Variants in CADPS observed in about 807,000 individuals in gnomAD.
CADPS encodes the protein calcium-dependent secretion activator 1.
A neutral mutation model predicts 167.3 loss-of-function variants in CADPS; 57 were observed. That is an observed-to-expected ratio of 0.34 (90% CI 0.28 to 0.42). CADPS has a LOEUF of 0.42. Among genes scored for constraint, CADPS ranks in the 20% least tolerant of loss-of-function variants. CADPS has a pLI of 1.00. For synonymous variants in CADPS, 676 were observed against 635.3 expected, an observed-to-expected ratio of 1.06 and a Z score of -0.96; for missense variants, 1,414 against 1,738.1, an observed-to-expected ratio of 0.81 and a Z score of 3.32.
chr3:62,539,525 TAA>T (rs200925277), intron 11 of CADPS, among the ~76,000 whole-genome samples: 2,102 of 145,052 alleles, frequency 0.014, 48 homozygotes, highest in African/African-American at 0.048. Flanking sequence ...TATTATGTTA[TAA>T]AAAAAAAAAG....
intron 24 of CADPS, 154 bp downstream of exon 24, chr3:62,474,019 G>A: frequency 1.8e-6 from 1 of 542,010 alleles, no homozygotes; most frequent in Non-Finnish European, 3.2e-6. Context: ...TTGACAAACA[G>A]ATACTGAACA....
chr3:62,686,636 A>G (rs2078095250), intron 3 of CADPS, among the ~76,000 whole-genome samples: 1 of 152,046 alleles, frequency 6.6e-6, no homozygotes, highest in Non-Finnish European at 1.5e-5. Context: ...GCATGTACTT[A>G]AGGGTGTGTC....
intron 17 of CADPS, among the ~76,000 whole-genome samples, chr3:62,509,786 T>C (rs1236803212): frequency 6.6e-6 from 1 of 152,148 alleles, no homozygotes; most frequent in East Asian, 1.9e-4. Context: ...AAGTGGTAGG[T>C]ATTATACTTG....
At chr3:62,567,800 C>A (rs1349357371) in intron 9 of CADPS, among the ~76,000 whole-genome samples, 3 of 151,960 alleles carry the variant, frequency 2.0e-5, no homozygotes, top group Admixed American at 1.3e-4. Context: ...CTCTCAAACT[C>A]CTGAACCCAT....
chr3:62,815,583 A>G (rs2094575176), intron 1 of CADPS, among the ~76,000 whole-genome samples: 1 of 152,138 alleles, frequency 6.6e-6, no homozygotes, highest in South Asian at 2.1e-4. Flanking sequence ...CTTCCATAAA[A>G]ATAATCAGAC....
intron 3 of CADPS, among the ~76,000 whole-genome samples, chr3:62,728,846 T>C (rs1033355424): frequency 2.0e-5 from 3 of 151,848 alleles, no homozygotes; most frequent in Non-Finnish European, 4.4e-5. Context: ...CAAGTGTGTT[T>C]AAAACCTTAA....
intron 19 of CADPS, 27 bp from the exon 20 acceptor site, chr3:62,492,473 G>C (rs528640758): frequency 3.1e-6 from 5 of 1,606,212 alleles, no homozygotes; most frequent in African/African-American, 1.3e-5. Flanking sequence ...AAAAACAATA[G>C]ACAAAGAAGT....
chr3:62,735,811 G>C (rs1316195549), intron 3 of CADPS, among the ~76,000 whole-genome samples: 1 of 152,158 alleles, frequency 6.6e-6, no homozygotes, highest in Non-Finnish European at 1.5e-5. Flanking sequence ...TTGGTGGTGA[G>C]ACAGCTTTGG....
chr3:62,597,028 C>T (rs571090767), intron 6 of CADPS, among the ~76,000 whole-genome samples: 43 of 152,206 alleles, frequency 2.8e-4, no homozygotes, highest in African/African-American at 9.9e-4. Context: ...AAAATGTGAC[C>T]ATTAATTTAC....
At chr3:62,784,776 G>C (rs1255216976) in intron 1 of CADPS, among the ~76,000 whole-genome samples, 1 of 151,164 alleles carries the variant, frequency 6.6e-6, no homozygotes, top group African/African-American at 2.4e-5. Flanking sequence ...AAAAAAAATA[G>C]GGAGAGAGAA....
chr3:62,613,235 G>C lies in CADPS; in HGVS notation c.1326-20487C>G, dbSNP rs149025955. Among the ~76,000 whole-genome samples the C allele has an allele frequency of 9.9e-3, 1,506 of 152,258 alleles. 23 individuals carry two copies. Among genetic ancestry groups the C allele is most frequent in the African/African-American group, 0.033 (1,391 of 41,556 alleles). On this transcript the variant is annotated intron_variant, in intron 6 of 29. Transcript: ENST00000383710. ...AAGGAAGCGATCTACTTAAACCCCT[G>C]TTCTTCACTTTGTCTCTGGAGCCCA...
chr3:62,435,881 T>C (rs905049485), intron 28 of CADPS, among the ~76,000 whole-genome samples: 3 of 152,136 alleles, frequency 2.0e-5, no homozygotes, highest in African/African-American at 4.8e-5. Context: ...GAGTTACTTG[T>C]GAATTTTTGA....
intron 8 of CADPS, 83 bp from the exon 9 acceptor site, chr3:62,571,021 C>A: frequency 1.1e-6 from 1 of 948,622 alleles, no homozygotes; most frequent in Non-Finnish European, 1.7e-6. Context: ...AAGCTTGGTA[C>A]TTATAAACAA....
chr3:62,553,198 T>C (rs2077584266), intron 10 of CADPS, among the ~76,000 whole-genome samples: 1 of 152,124 alleles, frequency 6.6e-6, no homozygotes, highest in Non-Finnish European at 1.5e-5. Flanking sequence ...GGCCTGCTGC[T>C]GGGGTAGAGA....
intron 11 of CADPS, among the ~76,000 whole-genome samples, chr3:62,548,568 T>C (rs2076864183): frequency 6.6e-6 from 1 of 152,242 alleles, no homozygotes; most frequent in Non-Finnish European, 1.5e-5. Context: ...AAGAATATAG[T>C]CTTGTTGGAC....
chr3:62,716,675 T>G (rs2084703096), intron 3 of CADPS, among the ~76,000 whole-genome samples: 1 of 152,232 alleles, frequency 6.6e-6, no homozygotes, highest in African/African-American at 2.4e-5. Context: ...ATCTTTGTCC[T>G]TACATCACAT....
Position 62,421,576 on chromosome 3 carries a change from A to G in CADPS, c.3777+16528T>C, listed in dbSNP as rs1397000677. ...TTCTATAAGGAACAACATGTTATAGACAGTAGTCTTGCTAGAAAGAGACTT... is the reference window on the plus strand; with the variant it reads ...TTCTATAAGGAACAACATGTTATAGGCAGTAGTCTTGCTAGAAAGAGACTT... On this transcript the variant is annotated intron_variant, in intron 28 of 29. Coordinates refer to ENST00000383710, the MANE Select transcript of CADPS (RefSeq NM_003716.4). The surrounding 1 kb of genome is among the most constrained non-coding windows in gnomAD (Gnocchi z 4.7). Among the ~76,000 whole-genome samples, 1 of 152,232 alleles carries G rather than the reference A, an allele frequency of 6.6e-6. No individual in the cohort carries two copies. Among genetic ancestry groups the G allele is most frequent in the African/African-American group, 2.4e-5 (1 of 41,474 alleles).
chr3:62,582,611 G>A (rs1259701756), intron 8 of CADPS, among the ~76,000 whole-genome samples: 3 of 152,030 alleles, frequency 2.0e-5, no homozygotes, highest in African/African-American at 4.8e-5. Flanking sequence ...TAGTCCCTTA[G>A]GCAACTAAGG....
At chr3:62,715,109 CATG>C (rs1474788960) in intron 3 of CADPS, among the ~76,000 whole-genome samples, 2 of 152,112 alleles carry the variant, frequency 1.3e-5, no homozygotes, top group Non-Finnish European at 2.9e-5. Flanking sequence ...ATACAGATGA[CATG>C]ATGTTTGAAA....
Sources: gnomAD v4.1 joint callset for allele counts (sites outside exome capture counted in the v4.1 genomes callset) on GRCh38, gnomAD v4.1.1 for gene constraint, Gnocchi (gnomAD v3.1) non-coding constraint, MANE v1.5 for transcripts, NCBI Gene and HGNC (gene_info 2026-07-23, HGNC 2026-07-21) for gene names.